TTN: variants seen among roughly 807,000 people sequenced by gnomAD.
The protein encoded by TTN is connectin.
Under a neutral mutation model 3,223.0 loss-of-function variants are expected in TTN, and 1,525 were observed. The observed-to-expected ratio is 0.47, with a 90% CI of 0.45 to 0.49. TTN has a LOEUF of 0.49. Ranked by LOEUF, TTN falls within the 20% of genes least tolerant of loss-of-function variation. TTN has a pLI of 0.00. For synonymous variants in TTN, 14,094 were observed against 15,161.0 expected, an observed-to-expected ratio of 0.93 and a Z score of 5.17; for missense variants, 40,786 against 43,424.0, an observed-to-expected ratio of 0.94 and a Z score of 5.40.
chr2:178,620,173 G>GTA (rs959956359), intron 248 of TTN, 44 bp downstream of exon 248: 1 of 1,579,216 alleles, frequency 6.3e-7, no homozygotes, highest in Non-Finnish European at 8.6e-7. Flanking sequence ...TGTCAAAAGT[G>GTA]TATATATAGC....
intron 108 of TTN, 49 bp from the exon 109 acceptor site, chr2:178,702,115 TA>T: frequency 6.2e-7 from 1 of 1,613,404 alleles, no homozygotes; most frequent in African/African-American, 1.3e-5. Flanking sequence ...ATGGTATAGG[TA>T]GGCTACGTGT....
rs762990827 is a variant in TTN, at chr2:178,589,497, A to G, written c.62228T>C (p.Val20743Ala). 1.9e-6 allele frequency: 3 copies of G among 1,613,120 alleles called. No individual in the cohort carries two copies. Among genetic ancestry groups the G allele is most frequent in the Non-Finnish European group, 2.5e-6 (3 of 1,179,616 alleles). ...CVENQIYEFR[V>A]QTKNEGGESD... ...TTCCCCACCTTCATTCTTTGTTTGC[A>G]CTCTGAACTCATAAATCTGGTTTTC... is the stretch of plus-strand genomic sequence containing the variant. The change falls in exon 304 of 363, where the codon GTG (valine) becomes GCG (alanine). Residue 20743 changes from valine (V) to alanine (A), a missense_variant. Physicochemically the swap from Val to Ala is moderately conservative, Grantham distance 64. Transcript: ENST00000589042.
At position 178,530,935 on chromosome 2, in the gene TTN, G is replaced by A. The variant is rs794727541; in HGVS notation, c.105680C>T (p.Ala35227Val). The A allele has an allele frequency of 3.1e-6, 5 of 1,613,844 alleles. No individual in the cohort carries two copies. The African/African-American group carries it at 6.7e-5, about 22-fold the overall frequency. ...TTTGACTCTTGGTGGTGATGTCACAGCCTTTTCAGTTACCCTGGCCTTTTG... is the reference window on the plus strand; with the variant it reads ...TTTGACTCTTGGTGGTGATGTCACAACCTTTTCAGTTACCCTGGCCTTTTG... The part of the protein sequence containing the change: ...TIQKARVTEK[A>V]VTSPPRVKSP... The change falls in exon 358 of 363, where the codon GCT becomes GTT. Residue 35227 changes from alanine (A) to valine (V), a missense_variant. Coordinates refer to ENST00000589042, the MANE Select transcript of TTN (RefSeq NM_001267550.2).
Position 178,576,519 on chromosome 2 carries a change from A to C in TTN, c.69715+10T>G. 1 of 1,610,044 alleles carries C rather than the reference A, an allele frequency of 6.2e-7. No individual in the cohort carries two copies. The highest frequency in any genetic ancestry group is 8.5e-7 in the Non-Finnish European group (1 of 1,178,858). On this transcript the variant is annotated intron_variant, in intron 325 of 362. Coordinates refer to ENST00000589042, the MANE Select transcript of TTN (RefSeq NM_001267550.2). This position sits in a 1 kb window ranked among gnomAD's most constrained non-coding sequence, Gnocchi z 4.3. ...TGGAATGAACGGTGTTGAAAAAGAC[A>C]AATACTAACATGCTGCATCTTTCAT...
chr2:178,604,830 C>T lies in TTN; in HGVS notation c.54259G>A (p.Asp18087Asn). Residue 18087 changes from aspartate (D) to asparagine (N), a missense_variant, in exon 281 of 363, where the codon GAT (aspartate) becomes AAT (asparagine). Transcript: ENST00000589042. ...CTGCCACCATTATCAAGAGGGGCAT[C>T]CCATGTCAAGTAGCAAGATTCAGCT... ...IKAESCYLTW[D>N]APLDNGGSEI... 2 of 1,612,268 alleles carry T rather than the reference C, an allele frequency of 1.2e-6. No individual in the cohort carries two copies. The highest frequency in any genetic ancestry group is 1.7e-6 in the Non-Finnish European group (2 of 1,179,000).
chr2:178,584,926 A>G lies in TTN; in HGVS notation c.64715T>C (p.Ile21572Thr), dbSNP rs765749707. The G allele has an allele frequency of 9.9e-6, 16 of 1,613,194 alleles. No individual in the cohort carries two copies. The highest frequency in any genetic ancestry group is 6.7e-5 in the African/African-American group (5 of 74,896). The change falls in exon 310 of 363, where the codon ATA becomes ACA. Residue 21572 changes from isoleucine to threonine, a missense_variant. Coordinates refer to ENST00000589042, the MANE Select transcript of TTN (RefSeq NM_001267550.2). ...TGACAGGGAGCAAGCATCAGCGTCTATATCAGAAATGTCAAATGGAGGCTG... is the reference window on the plus strand; with the variant it reads ...TGACAGGGAGCAAGCATCAGCGTCTGTATCAGAAATGTCAAATGGAGGCTG... ...PPQPPFDISD[I>T]DADACSLSWH...
intron 236 of TTN, 93 bp downstream of exon 236, chr2:178,632,054 A>T (rs2154220521): frequency 7.3e-7 from 1 of 1,367,888 alleles, no homozygotes; most frequent in South Asian, 1.7e-5. Context: ...CTTTCATGCA[A>T]TATAACACTT....
At chr2:178,600,376 T>A (rs1246689365) in intron 288 of TTN, 1 of 150,490 alleles carries the variant, frequency 6.6e-6, no homozygotes, top group Admixed American at 6.6e-5. Flanking sequence ...TACACAACAG[T>A]AGTGATGGTA....
chr2:178,727,064 G>A, intron 69 of TTN, 26 bp downstream of exon 69: 1 of 1,419,286 alleles, frequency 7.0e-7, no homozygotes. Context: ...TTCATTTAAT[G>A]AGAAACACAA....
At chr2:178,695,054 G>A (rs1335815433) in intron 115 of TTN, 148 bp from the exon 116 acceptor site, 8 of 670,440 alleles carry the variant, frequency 1.2e-5, no homozygotes, top group African/African-American at 1.8e-5. Flanking sequence ...AGAGAGAGAT[G>A]AGTTCGGTTT....
chr2:178,586,697 T>C lies in TTN; in HGVS notation c.64204A>G (p.Ile21402Val), dbSNP rs1157697777. 3 of 1,613,176 alleles carry C rather than the reference T, an allele frequency of 1.9e-6. No individual in the cohort carries two copies. The highest frequency in any genetic ancestry group is 3.3e-5 in the Admixed American group (2 of 59,972). Residue 21402 changes from isoleucine to valine, a missense_variant, in exon 308 of 363, where the codon ATC becomes GTC. Ile to Val is a conservative substitution (Grantham distance 29, BLOSUM62 3). Transcript: ENST00000589042. ...TGCTCTTCTTCTCTGTAACTAGTGA[T>C]GTAGCCATCGATTTTAGCACCTCCA... ...RDGGAKIDGY[I>V]TSYREEEQPA...
chr2:178,799,749 A>G lies in TTN; in HGVS notation c.670-18T>C. 2 of 1,614,212 alleles carry G rather than the reference A, an allele frequency of 1.2e-6. No individual in the cohort carries two copies. Among genetic ancestry groups the G allele is most frequent in the Non-Finnish European group, 1.7e-6 (2 of 1,180,030 alleles). On this transcript the variant is annotated intron_variant, in intron 5 of 362. Coordinates refer to ENST00000589042, the MANE Select transcript of TTN (RefSeq NM_001267550.2). ...TCAATCTTCTGTAAAAGATTAAAAC[A>G]AAGCCCACGTTGAGGAGGAATAGCT...
rs2154347738 is a variant in TTN at position 178,779,363 on chromosome 2, CT to C, written c.3828del (p.Glu1277LysfsTer120). On this transcript the variant is annotated frameshift_variant, in exon 23 of 363. Transcript: ENST00000589042. LOFTEE classifies it high-confidence loss of function. ...TLEELLEEDG[E>X]EKMAVDISES... is the part of the protein sequence containing the mutation. ...TCAGAAATGTCAACTGCCATCTTTT[CT>C]TCTCCATCTTCTTCAAGAAGTTCTT... 1 of 1,609,082 alleles carries C rather than the reference CT, an allele frequency of 6.2e-7. No homozygotes were observed. The highest frequency in any genetic ancestry group is 2.2e-5 in the East Asian group (1 of 44,738).
intron 295 of TTN, 50 bp downstream of exon 295, chr2:178,595,457 C>T: frequency 6.6e-7 from 1 of 1,514,072 alleles, no homozygotes; most frequent in Non-Finnish European, 8.9e-7. Flanking sequence ...TAGTCTTGTA[C>T]TAAATGAGTA....
chr2:178,748,394 T>C (rs757332870), intron 47 of TTN: 3 of 1,613,110 alleles, frequency 1.9e-6, no homozygotes, highest in East Asian at 2.2e-5. Context: ...GGCAAATACA[T>C]TATTTTGCAC....
rs1216034871 is a variant in TTN at position 178,593,557 on chromosome 2, A to G, written c.58732+11T>C. ...AAGCATTGAATCACTAAAAAGAAAC[A>G]TAATGCATACTGAAACGATCTTTGG... On this transcript the variant is annotated intron_variant, in intron 298 of 362. Transcript: ENST00000589042. 6.2e-7 allele frequency: 1 copy of G among 1,608,594 alleles called. No homozygotes were observed. The highest frequency in any genetic ancestry group is 2.2e-5 in the East Asian group (1 of 44,540).
At position 178,633,039 on chromosome 2, in the gene TTN, A is replaced by G; in HGVS notation, c.43092T>C (p.Cys14364=). Residue 14364 remains cysteine, a synonymous_variant, in exon 234 of 363, where the codon TGT becomes TGC. Coordinates refer to ENST00000589042, the MANE Select transcript of TTN (RefSeq NM_001267550.2). ...KGQPLTASPD[C]EIIEDGKKHI... is the part of the protein sequence containing the mutation. ...GCTTCTTTCCATCCTCAATGATTTC[A>G]CAGTCCTGTTTGGAGTGAGGGTTAG... The G allele has an allele frequency of 6.2e-7, 1 of 1,612,870 alleles. No individual in the cohort carries two copies. The highest frequency in any genetic ancestry group is 1.1e-5 in the South Asian group (1 of 90,994).
At chr2:178,786,965 T>C (rs1238942308) in intron 13 of TTN, among the ~76,000 whole-genome samples, 1 of 152,152 alleles carries the variant, frequency 6.6e-6, no homozygotes, top group Middle Eastern at 3.2e-3. Flanking sequence ...GAGGTTCTCT[T>C]TTAAAGAAGG....
intron 38 of TTN, 26 bp downstream of exon 38, chr2:178,768,647 T>C (rs1289182436): frequency 6.2e-7 from 1 of 1,613,416 alleles, no homozygotes; most frequent in Non-Finnish European, 8.5e-7. Context: ...ATTTTTTCTA[T>C]GGATCTAATA....
Sources: gnomAD v4.1 joint callset for allele counts (sites outside exome capture counted in the v4.1 genomes callset) on GRCh38, gnomAD v4.1.1 for gene constraint, Gnocchi (gnomAD v3.1) non-coding constraint, MANE v1.5 for transcripts, NCBI Gene and HGNC (gene_info 2026-07-23, HGNC 2026-07-21) for gene names.